DOCK1: variants seen among roughly 807,000 people sequenced by gnomAD.
The protein encoded by DOCK1 is dedicator of cytokinesis protein 1.
DOCK1 carries 138 observed loss-of-function variants against 262.7 expected under a neutral mutation model. The observed-to-expected ratio is 0.53, with a 90% CI of 0.46 to 0.61. The LOEUF is 0.61. Ranked by LOEUF, DOCK1 falls within the 20% of genes least tolerant of loss-of-function variation. The pLI, the probability that DOCK1 is intolerant of heterozygous loss-of-function variation, is 0.00. For synonymous variants in DOCK1, 866 were observed against 867.4 expected (o/e 1.00, Z 0.03); for missense variants, 1,908 against 2,370.7 (o/e 0.80, Z 4.05).
chr10:127,166,369 A>G (rs1319023443), intron 27 of DOCK1, among the ~76,000 whole-genome samples: 2 of 152,182 alleles, frequency 1.3e-5, no homozygotes, highest in African/African-American at 4.8e-5. Flanking sequence ...CCGGCCCAAA[A>G]AAATGCCTGC....
intron 27 of DOCK1, among the ~76,000 whole-genome samples, chr10:127,213,523 G>T (rs7915700): frequency 6.6e-6 from 1 of 152,150 alleles, no homozygotes; most frequent in Non-Finnish European, 1.5e-5. Context: ...GATTGATCAC[G>T]TGAGATTGGG....
intron 27 of DOCK1, among the ~76,000 whole-genome samples, chr10:127,164,159 CTTTTTTTTTTTTTTTTTTTTTTTTTT>C (rs528947051): frequency 1.7e-4 from 11 of 63,582 alleles, no homozygotes; most frequent in South Asian, 1.4e-3. Context: ...CATTTGCCTC[CTTTTTTTTTTTTTTTTTTTTTTTTTT>C]TTTTTTTTTT....
At chr10:127,299,597 A>G (rs2061614992) in intron 29 of DOCK1, among the ~76,000 whole-genome samples, 1 of 152,364 alleles carries the variant, frequency 6.6e-6, no homozygotes, top group South Asian at 2.1e-4. Context: ...CAGAGGGAGC[A>G]TCGCCTTGCC....
At chr10:127,317,582 C>T (rs189105155) in intron 29 of DOCK1, among the ~76,000 whole-genome samples, 4 of 152,142 alleles carry the variant, frequency 2.6e-5, no homozygotes, top group African/African-American at 9.7e-5. Flanking sequence ...GCTCTGGATT[C>T]GAGTGCACAT....
chr10:127,396,997 GGCAGCGACTCCTA>G lies in DOCK1; in HGVS notation c.3928-6057_3928-6045del, dbSNP rs1474456978. 1.3e-3 allele frequency among the ~76,000 whole-genome samples: 170 copies of G among 133,208 alleles called. 2 individuals are homozygous for G. The highest frequency in any genetic ancestry group is 1.7e-3 in the Non-Finnish European group (109 of 62,958). The allele number at this position is 133,208 out of a possible 152,430, so 87.4% of individuals were successfully genotyped here. On this transcript the variant is annotated intron_variant, in intron 38 of 51. Transcript: ENST00000623213. ...CTGTGATCTGAGCATCAGTTACACG[GGCAGCGACTCCTA>G]TGTGATCTGAGCATGAGTTACACGG...
At chr10:127,109,388 TG>T (rs1564809296) in intron 24 of DOCK1, among the ~76,000 whole-genome samples, 2 of 152,246 alleles carry the variant, frequency 1.3e-5, no homozygotes, top group African/African-American at 4.8e-5. Flanking sequence ...TGCTTTATTG[TG>T]GTATTATTTA....
rs2048180577 is a variant in DOCK1, at chr10:127,100,544, G to A, written c.2446-5687G>A. Among the ~76,000 whole-genome samples, 1 of 152,130 alleles carries A rather than the reference G, an allele frequency of 6.6e-6. No individual in the cohort carries two copies. Among genetic ancestry groups the A allele is most frequent in the African/African-American group, 2.4e-5 (1 of 41,430 alleles). ...GTGTGGGTGTTGGGCTCAGGAGGAAGGGGAGCCCTGGAGATGGATCAGAAT... is the reference window on the plus strand; with the variant it reads ...GTGTGGGTGTTGGGCTCAGGAGGAAAGGGAGCCCTGGAGATGGATCAGAAT... On this transcript the variant is annotated intron_variant, in intron 23 of 51. Transcript: ENST00000623213. The surrounding 1 kb of genome is among the most constrained non-coding windows in gnomAD (Gnocchi z 5.5).
At chr10:127,092,839 G>T (rs2047622776) in intron 23 of DOCK1, among the ~76,000 whole-genome samples, 1 of 152,150 alleles carries the variant, frequency 6.6e-6, no homozygotes, top group African/African-American at 2.4e-5. Context: ...AATGAAAATG[G>T]AAGGAAATCC....
chr10:127,232,644 C>T (rs2058894551), intron 27 of DOCK1, among the ~76,000 whole-genome samples: 1 of 152,192 alleles, frequency 6.6e-6, no homozygotes, highest in Non-Finnish European at 1.5e-5. Context: ...TTTAACCAAT[C>T]AACCTAGATT....
intron 29 of DOCK1, among the ~76,000 whole-genome samples, chr10:127,276,787 T>C (rs748087706): frequency 2.2e-5 from 3 of 136,652 alleles, no homozygotes; most frequent in Non-Finnish European, 3.5e-5. Context: ...GAAGCCATTG[T>C]TTTTCCAATT....
chr10:127,045,200 T>TA (rs71032534), intron 21 of DOCK1, among the ~76,000 whole-genome samples: 21,467 of 81,826 alleles, frequency 0.26, 3,138 homozygotes, highest in Non-Finnish European at 0.28. Context: ...TCTGTCTCAA[T>TA]AAAAAAAAAA....
At chr10:127,299,462 C>T (rs149744097) in intron 29 of DOCK1, among the ~76,000 whole-genome samples, 2 of 152,168 alleles carry the variant, frequency 1.3e-5, no homozygotes, top group African/African-American at 4.8e-5. Flanking sequence ...AAGACACAGA[C>T]ACACAGGAAA....
At chr10:127,397,449 A>C (rs56142116) in intron 38 of DOCK1, among the ~76,000 whole-genome samples, 306 of 42,220 alleles carry the variant, frequency 7.2e-3, no homozygotes, top group Middle Eastern at 0.029. Flanking sequence ...ATGAGTTACA[A>C]GGGCAGTGTC....
chr10:127,315,459 C>T (rs1015989010), intron 29 of DOCK1, among the ~76,000 whole-genome samples: 2 of 152,050 alleles, frequency 1.3e-5, no homozygotes, highest in African/African-American at 2.4e-5. Context: ...TTTGAGGACA[C>T]GGGGGGAAGA....
intron 27 of DOCK1, among the ~76,000 whole-genome samples, chr10:127,229,929 G>T (rs1202882599): frequency 6.6e-6 from 1 of 152,134 alleles, no homozygotes; most frequent in Non-Finnish European, 1.5e-5. Flanking sequence ...ATTCTAACAG[G>T]TGTAAGGTGA....
intron 38 of DOCK1, among the ~76,000 whole-genome samples, chr10:127,387,287 G>A (rs563335507): frequency 6.6e-6 from 1 of 152,314 alleles, no homozygotes; most frequent in Admixed American, 6.5e-5. Context: ...ACTGCCCAGC[G>A]GGTTTCTGCT....
chr10:127,110,191 C>T, intron 24 of DOCK1, 57 bp from the exon 25 acceptor site: 3 of 1,420,086 alleles, frequency 2.1e-6, no homozygotes, highest in Non-Finnish European at 2.9e-6. Context: ...ATTGTAACAA[C>T]ATTGGATCCT....
chr10:127,298,158 G>A (rs2061565057), intron 29 of DOCK1, among the ~76,000 whole-genome samples: 1 of 152,134 alleles, frequency 6.6e-6, no homozygotes, highest in Admixed American at 6.5e-5. Flanking sequence ...ATTTGTTCAT[G>A]CATACTGTGT....
intron 23 of DOCK1, among the ~76,000 whole-genome samples, chr10:127,071,649 G>A (rs567974340): frequency 1.3e-5 from 2 of 152,062 alleles, no homozygotes; most frequent in African/African-American, 4.8e-5. Flanking sequence ...AATTGTAATG[G>A]CTGTATGCCA....
Sources: gnomAD v4.1 joint callset for allele counts (sites outside exome capture counted in the v4.1 genomes callset) on GRCh38, gnomAD v4.1.1 for gene constraint, Gnocchi (gnomAD v3.1) non-coding constraint, MANE v1.5 for transcripts, NCBI Gene and HGNC (gene_info 2026-07-23, HGNC 2026-07-21) for gene names.